The following NTM variants were observed in gnomAD, a reference collection of about 807,000 sequenced individuals.
The protein encoded by NTM is IgLON family member 2.
NTM carries 13 observed loss-of-function variants against 42.1 expected under a neutral mutation model. The observed-to-expected ratio is 0.31, with a 90% CI of 0.20 to 0.49. The LOEUF (loss-of-function observed/expected upper bound fraction) is 0.49, where lower values mean the gene tolerates loss of function less well. Among genes scored for constraint, NTM ranks in the 20% least tolerant of loss-of-function variants. The pLI, the probability that NTM is intolerant of heterozygous loss-of-function variation, is 0.99. For synonymous variants in NTM, 187 were observed against 179.2 expected, an observed-to-expected ratio of 1.04 and a Z score of -0.35; for missense variants, 373 against 452.8, an observed-to-expected ratio of 0.82 and a Z score of 1.60.
At position 132,336,757 on chromosome 11, in the gene NTM, TGGG is replaced by T. The variant is rs1565516745; in HGVS notation, c.*1614_*1616del. The T allele has an allele frequency of 7.0e-6, 1 of 142,646 alleles. No individual in the cohort carries two copies. Among genetic ancestry groups the T allele is most frequent in the East Asian group, 2.3e-4 (1 of 4,262 alleles). 8.8% of individuals were successfully genotyped at this position (142,646 alleles called of 1,614,324 possible). ...TGGATGTGATGAGGGAAAGGGGGAT[TGGG>T]GGATCCGGGAGGGTGGGGTTGTCTC... On this transcript the variant is annotated 3_prime_UTR_variant, in exon 9 of 9. Coordinates refer to ENST00000683400, the MANE Select transcript of NTM (RefSeq NM_001352005.2).
At chr11:131,704,276 G>A (rs1487275708) in intron 1 of NTM, among the ~76,000 whole-genome samples, 1 of 152,154 alleles carries the variant, frequency 6.6e-6, no homozygotes, top group Non-Finnish European at 1.5e-5. Flanking sequence ...GTGGATGCAA[G>A]CCCGAGGCTC....
At chr11:131,741,253 G>C (rs1301632640) in intron 1 of NTM, among the ~76,000 whole-genome samples, 1 of 151,994 alleles carries the variant, frequency 6.6e-6, no homozygotes, top group Non-Finnish European at 1.5e-5. Context: ...CCAAGTCCAG[G>C]GGCGGTAGCC....
chr11:132,160,367 G>T (rs924107710), intron 3 of NTM, among the ~76,000 whole-genome samples: 1 of 152,180 alleles, frequency 6.6e-6, no homozygotes, highest in East Asian at 1.9e-4. Flanking sequence ...TGAAGCTCAC[G>T]GTCTGGTGGG....
intron 3 of NTM, among the ~76,000 whole-genome samples, chr11:132,185,220 T>G (rs936006798): frequency 4.1e-4 from 62 of 152,324 alleles, no homozygotes; most frequent in Admixed American, 2.5e-3. Flanking sequence ...TCCCCCCATA[T>G]GTGTGCACAT....
intron 7 of NTM, among the ~76,000 whole-genome samples, chr11:132,324,393 G>A (rs2095635686): frequency 6.7e-6 from 1 of 149,484 alleles, no homozygotes; most frequent in Non-Finnish European, 1.5e-5. Flanking sequence ...CAGACAAACA[G>A]CCAAATCATG....
At chr11:132,154,276 T>C (rs1420792827) in intron 3 of NTM, among the ~76,000 whole-genome samples, 1 of 152,198 alleles carries the variant, frequency 6.6e-6, no homozygotes, top group Admixed American at 6.5e-5. Context: ...GGACAAATAC[T>C]CAAAAGATTA....
intron 3 of NTM, among the ~76,000 whole-genome samples, chr11:132,200,498 G>T (rs964273799): frequency 3.9e-5 from 6 of 152,106 alleles, no homozygotes; most frequent in Non-Finnish European, 7.3e-5. Flanking sequence ...GTGAGGTGTG[G>T]TGGGGACTTC....
intron 1 of NTM, chr11:131,911,237 A>G (rs2054883808): frequency 2.1e-6 from 3 of 1,396,570 alleles, no homozygotes; most frequent in Non-Finnish European, 9.3e-7. Context: ...GCGAGGAGGG[A>G]GCCCCCTTTG....
intron 1 of NTM, among the ~76,000 whole-genome samples, chr11:131,514,800 A>G (rs2048687825): frequency 6.6e-6 from 1 of 152,208 alleles, no homozygotes; most frequent in Non-Finnish European, 1.5e-5. Context: ...TATGTTACCC[A>G]TGCTGGTATT....
intron 3 of NTM, among the ~76,000 whole-genome samples, chr11:132,171,807 G>T (rs549425278): frequency 6.6e-6 from 1 of 152,290 alleles, no homozygotes; most frequent in African/African-American, 2.4e-5. Flanking sequence ...GGAAACAAAT[G>T]CAGGAAAAAC....
intron 1 of NTM, among the ~76,000 whole-genome samples, chr11:131,857,066 T>G (rs2136911727): frequency 6.6e-6 from 1 of 152,336 alleles, no homozygotes; most frequent in South Asian, 2.1e-4. Flanking sequence ...TAACTTGGTT[T>G]AATCCAGCAT....
intron 2 of NTM, among the ~76,000 whole-genome samples, chr11:132,145,005 T>A (rs1436201895): frequency 1.3e-5 from 2 of 152,186 alleles, no homozygotes; most frequent in Non-Finnish European, 2.9e-5. Context: ...AAGAAGCAGG[T>A]GTGTATAGTA....
At position 132,335,025 on chromosome 11, in the gene NTM, G is replaced by A. The variant is rs1035948112; in HGVS notation, c.968-21G>A. On this transcript the variant is annotated intron_variant, in intron 8 of 8. Coordinates refer to ENST00000683400, the MANE Select transcript of NTM (RefSeq NM_001352005.2). The stretch of plus-strand genomic sequence containing the variant: ...TCCATTTTCTCCCAGACCACTCACG[G>A]CGAGTGTGTTCTCTCCACAGGTCCA... The A allele has an allele frequency of 1.9e-6, 3 of 1,608,362 alleles. No individual in the cohort carries two copies. The African/African-American group carries it at 4.0e-5, about 22-fold the overall frequency.
At chr11:131,632,025 C>T (rs57719801) in intron 1 of NTM, among the ~76,000 whole-genome samples, 3,320 of 152,172 alleles carry the variant, frequency 0.022, 113 homozygotes, top group African/African-American at 0.076. Flanking sequence ...TATGTTTCAG[C>T]ACCCATTATT....
At chr11:131,977,853 CTCTT>C (rs2064644198) in intron 2 of NTM, among the ~76,000 whole-genome samples, 1 of 152,174 alleles carries the variant, frequency 6.6e-6, no homozygotes, top group Admixed American at 6.5e-5. Context: ...AGTACAATGA[CTCTT>C]TATGTGGCCT....
chr11:131,536,006 G>C (rs2052138044), intron 1 of NTM: 1 of 152,208 alleles, frequency 6.6e-6, no homozygotes, highest in Non-Finnish European at 1.5e-5. Context: ...GTGTGGGTTG[G>C]GTGGTTGGGT....
In NTM at chr11:131,906,908, T is replaced by C. The variant is rs148278243; in HGVS notation, c.83-4656T>C. ...GGACTATAGCCCAGATGAACCACGATTTTATTTTGATCCTGTATTCATAGA... is the reference window on the plus strand; with the variant it reads ...GGACTATAGCCCAGATGAACCACGACTTTATTTTGATCCTGTATTCATAGA... On this transcript the variant is annotated intron_variant, in intron 1 of 8. Transcript: ENST00000683400. Among the ~76,000 whole-genome samples, 142 of 152,330 alleles carry C rather than the reference T, an allele frequency of 9.3e-4. 1 individual carries two copies. Among genetic ancestry groups the C allele is most frequent in the Admixed American group, 2.9e-3 (44 of 15,302 alleles).
chr11:132,017,878 G>A (rs1039635138), intron 2 of NTM, among the ~76,000 whole-genome samples: 5 of 151,770 alleles, frequency 3.3e-5, no homozygotes, highest in Admixed American at 2.0e-4. Context: ...AATTTTTCTC[G>A]ATGCCATTGT....
chr11:131,900,709 G>A (rs984633557), intron 1 of NTM, among the ~76,000 whole-genome samples: 8 of 152,170 alleles, frequency 5.3e-5, no homozygotes, highest in South Asian at 2.1e-4. Flanking sequence ...GCAGTGATAA[G>A]AGGGAAGAGA....
Sources: gnomAD v4.1 joint callset for allele counts (sites outside exome capture counted in the v4.1 genomes callset) on GRCh38, gnomAD v4.1.1 for gene constraint, MANE v1.5 for transcripts, NCBI Gene and HGNC (gene_info 2026-07-23, HGNC 2026-07-21) for gene names.